Variants in CCSER1 observed in about 807,000 individuals in gnomAD.
CCSER1 encodes the protein coiled-coil serine rich protein 1.
A neutral mutation model predicts 82.0 loss-of-function variants in CCSER1; 41 were observed. That is an observed-to-expected ratio of 0.50 (90% CI 0.39 to 0.65). The LOEUF (loss-of-function observed/expected upper bound fraction) is 0.65, where lower values mean the gene tolerates loss of function less well. CCSER1 is among the 30% of genes least tolerant of loss of function. The pLI is 0.00. For missense variants in CCSER1, 1,119 were observed against 1,064.2 expected (o/e 1.05, Z -0.72); for synonymous variants, 414 against 383.9 (o/e 1.08, Z -0.92).
At chr4:91,497,981 G>A (rs1214112728) in intron 10 of CCSER1, among the ~76,000 whole-genome samples, 2 of 152,054 alleles carry the variant, frequency 1.3e-5, no homozygotes, top group African/African-American at 2.4e-5. Context: ...GCAATTAACT[G>A]TGCATCTCCA....
intron 9 of CCSER1, among the ~76,000 whole-genome samples, chr4:90,943,729 A>ATTTTTTTTTTTTTTTTTTTTTTT (rs70965460): frequency 1.3e-4 from 9 of 68,886 alleles, no homozygotes; most frequent in East Asian, 5.2e-4. Context: ...TGCCAGGCTA[A>ATTTTTTTTTTTTTTTTTTTTTTT]TTTTTTTTTT....
intron 10 of CCSER1, among the ~76,000 whole-genome samples, chr4:91,486,628 A>C (rs541968955): frequency 3.9e-5 from 6 of 152,144 alleles, no homozygotes; most frequent in African/African-American, 1.4e-4. Context: ...AAAAAACACA[A>C]ATTTAAAAAT....
intron 9 of CCSER1, among the ~76,000 whole-genome samples, chr4:91,045,499 A>T (rs1340697368): frequency 6.6e-6 from 1 of 152,188 alleles, no homozygotes; most frequent in East Asian, 1.9e-4. Flanking sequence ...GTGTTTATTC[A>T]TATAAAATAT....
intron 3 of CCSER1, among the ~76,000 whole-genome samples, chr4:90,363,054 A>C (rs1745651622): frequency 6.6e-6 from 1 of 152,152 alleles, no homozygotes. Context: ...TAAGTCATTA[A>C]TCCACACAAT....
chr4:91,583,890 C>A (rs186912821), intron 10 of CCSER1, among the ~76,000 whole-genome samples: 1 of 151,272 alleles, frequency 6.6e-6, no homozygotes, highest in Non-Finnish European at 1.5e-5. Flanking sequence ...ATATTGTTGG[C>A]CAGATGAAGT....
At chr4:90,659,130 C>T (rs1274228540) in intron 6 of CCSER1, among the ~76,000 whole-genome samples, 1 of 148,322 alleles carries the variant, frequency 6.7e-6, no homozygotes, top group East Asian at 2.0e-4. Flanking sequence ...AAGATCTACT[C>T]CTAAATTAAT....
chr4:91,288,749 T>C lies in CCSER1; in HGVS notation c.2217+202755T>C, dbSNP rs141637165. Among the ~76,000 whole-genome samples the C allele has an allele frequency of 3.5e-3, 526 of 152,066 alleles. 2 individuals are homozygous for C. Among genetic ancestry groups the C allele is most frequent in the African/African-American group, 0.012 (499 of 41,510 alleles). On this transcript the variant is annotated intron_variant, in intron 10 of 10. Coordinates refer to ENST00000509176, the MANE Select transcript of CCSER1 (RefSeq NM_001145065.2). ...CTCTTAGGACCCTGGTGAAAATCCA[T>C]TGCAGCTAGGGGAAGGGAGCAGAAA... is the stretch of plus-strand genomic sequence containing the variant.
chr4:90,418,909 C>G (rs1377852897), intron 4 of CCSER1, among the ~76,000 whole-genome samples: 1 of 151,954 alleles, frequency 6.6e-6, no homozygotes, highest in Non-Finnish European at 1.5e-5. Context: ...AATTTCTAAG[C>G]ATTTTGGATT....
chr4:90,605,048 G>A (rs531649922), intron 5 of CCSER1, among the ~76,000 whole-genome samples: 15 of 152,308 alleles, frequency 9.8e-5, no homozygotes, highest in African/African-American at 3.4e-4. Context: ...GGCAGTAAAT[G>A]TTGCTGCTGC....
At chr4:90,844,372 G>A (rs921603533) in intron 8 of CCSER1, among the ~76,000 whole-genome samples, 12 of 151,986 alleles carry the variant, frequency 7.9e-5, no homozygotes, top group African/African-American at 2.9e-4. Context: ...ATTACTGGCA[G>A]TAGCAAATAC....
intron 10 of CCSER1, among the ~76,000 whole-genome samples, chr4:91,205,547 TTTC>T (rs1736275490): frequency 6.6e-6 from 1 of 151,620 alleles, no homozygotes; most frequent in African/African-American, 2.4e-5. Flanking sequence ...GAGTCTCAGT[TTTC>T]TTCTTAAATT....
At chr4:90,533,084 G>GTTTT (rs59215370) in intron 5 of CCSER1, among the ~76,000 whole-genome samples, 164 of 89,014 alleles carry the variant, frequency 1.8e-3, no homozygotes, top group African/African-American at 2.4e-3. Flanking sequence ...ATTTCTGTGG[G>GTTTT]TTTTTTTTTT....
intron 3 of CCSER1, among the ~76,000 whole-genome samples, chr4:90,389,798 A>G (rs896252931): frequency 6.6e-6 from 1 of 152,180 alleles, no homozygotes; most frequent in Non-Finnish European, 1.5e-5. Context: ...TGAACATAAA[A>G]ACAAGTATTT....
At chr4:90,432,263 A>C (rs1334314047) in intron 4 of CCSER1, among the ~76,000 whole-genome samples, 1 of 152,108 alleles carries the variant, frequency 6.6e-6, no homozygotes, top group Non-Finnish European at 1.5e-5. Context: ...TTGTCAAAAA[A>C]ATTTGCTATT....
chr4:91,186,434 C>T (rs1258691791), intron 10 of CCSER1, among the ~76,000 whole-genome samples: 2 of 152,096 alleles, frequency 1.3e-5, no homozygotes, highest in African/African-American at 2.4e-5. Flanking sequence ...ACTTGGGTGT[C>T]CTCCAGCTTA....
chr4:91,374,469 C>A (rs1750261507), intron 10 of CCSER1, among the ~76,000 whole-genome samples: 1 of 152,184 alleles, frequency 6.6e-6, no homozygotes, highest in Non-Finnish European at 1.5e-5. Flanking sequence ...TGGATGACAG[C>A]ACTGCTGTTT....
chr4:90,383,803 G>A (rs1436612291), intron 3 of CCSER1, among the ~76,000 whole-genome samples: 1 of 151,718 alleles, frequency 6.6e-6, no homozygotes, highest in Non-Finnish European at 1.5e-5. Context: ...ACAATAATAG[G>A]TCTTTGTAAC....
At chr4:90,518,807 A>G (rs923201571) in intron 5 of CCSER1, among the ~76,000 whole-genome samples, 2 of 151,926 alleles carry the variant, frequency 1.3e-5, no homozygotes, top group African/African-American at 4.8e-5. Context: ...ATATATCTTT[A>G]TATAAGGATA....
At chr4:90,665,523 G>T (rs964084208) in intron 6 of CCSER1, among the ~76,000 whole-genome samples, 1 of 151,884 alleles carries the variant, frequency 6.6e-6, no homozygotes, top group African/African-American at 2.4e-5. Context: ...AGGTTTCACT[G>T]TGTTAGCCAG....
Sources: gnomAD v4.1 joint callset for allele counts (sites outside exome capture counted in the v4.1 genomes callset) on GRCh38, gnomAD v4.1.1 for gene constraint, MANE v1.5 for transcripts, NCBI Gene and HGNC (gene_info 2026-07-23, HGNC 2026-07-21) for gene names.